Variants in GNL2 observed in about 807,000 individuals in gnomAD.
GNL2 encodes the protein G protein nucleolar 2, also known as nucleolar GTP-binding protein 2.
GNL2 carries 51 observed loss-of-function variants against 92.3 expected under a neutral mutation model. That is an observed-to-expected ratio of 0.55 (90% CI 0.44 to 0.70). The LOEUF (loss-of-function observed/expected upper bound fraction) is 0.70. Among genes scored for constraint, GNL2 ranks in the 30% least tolerant of loss-of-function variants. The pLI, the probability that GNL2 is intolerant of heterozygous loss-of-function variation, is 0.00. For synonymous variants in GNL2, 283 were observed against 300.6 expected (o/e 0.94, Z 0.61); for missense variants, 844 against 895.6 (o/e 0.94, Z 0.74).
At chr1:37,569,678 TA>T (rs1643565757) in intron 12 of GNL2, 1 of 202,664 alleles carries the variant, frequency 4.9e-6, no homozygotes, top group African/African-American at 2.4e-5. Context: ...GGCTGGATGT[TA>T]CAGATGAGAA....
chr1:37,593,536 C>T, intron 2 of GNL2: 1 of 476,966 alleles, frequency 2.1e-6, no homozygotes, highest in Non-Finnish European at 3.7e-6. Flanking sequence ...AACAAGACCT[C>T]TACTTTTGAG....
In GNL2 at chr1:37,594,271, T is replaced by C. The variant is rs565593315; in HGVS notation, c.65-425A>G. Among the ~76,000 whole-genome samples, 108 of 152,342 alleles carry C rather than the reference T, an allele frequency of 7.1e-4. 1 individual carries two copies. Among genetic ancestry groups the C allele is most frequent in the Admixed American group, 1.0e-3 (16 of 15,308 alleles). On this transcript the variant is annotated intron_variant, in intron 1 of 15. Coordinates refer to ENST00000373062, the MANE Select transcript of GNL2 (RefSeq NM_013285.3). ...AGAGCCAGAATTTGTACATGAGCAT[T>C]TGATCACCATCTATGGTCTTAACCA...
At chr1:37,568,011 TTGTC>T (rs1231298825) in intron 14 of GNL2, 4 of 590,470 alleles carry the variant, frequency 6.8e-6, no homozygotes, top group African/African-American at 3.7e-5. Flanking sequence ...ACCCCCCTCT[TTGTC>T]TGTGGACCCA....
intron 9 of GNL2, chr1:37,576,112 T>C (rs1186691561): frequency 3.1e-6 from 1 of 327,688 alleles, no homozygotes; most frequent in Non-Finnish European, 5.6e-6. Context: ...TGAGGCTTCT[T>C]AACCCAGGCA....
At chr1:37,585,748 C>T (rs1017025156) in intron 5 of GNL2, among the ~76,000 whole-genome samples, 5 of 151,978 alleles carry the variant, frequency 3.3e-5, no homozygotes, top group African/African-American at 1.2e-4. Context: ...CTAGGTGGCC[C>T]AATGCTTGAA....
At chr1:37,571,364 C>T (rs781765736) in intron 12 of GNL2, among the ~76,000 whole-genome samples, 44 of 152,144 alleles carry the variant, frequency 2.9e-4, no homozygotes, top group Admixed American at 2.0e-4. Context: ...GATATGCACC[C>T]CCATTGTTCC....
At chr1:37,588,715 CTT>C (rs1389583958) in intron 4 of GNL2, among the ~76,000 whole-genome samples, 1 of 152,206 alleles carries the variant, frequency 6.6e-6, no homozygotes, top group African/African-American at 2.4e-5. Context: ...TTACAGTACT[CTT>C]ACTGTATTGC....
Position 37,576,515 on chromosome 1 carries a change from G to A in GNL2, c.951C>T (p.Gly317=), listed in dbSNP as rs371779270. Residue 317 remains glycine, a synonymous_variant, in exon 9 of 16, where the codon GGC becomes GGT. Transcript: ENST00000373062. ...CAGAGCTCTTGCCAACATTTGGATA[G>A]CCAATGAACCCAACACTGATCTGTT... ...DKKQISVGFI[G]YPNVGKSSVI... is the part of the protein sequence containing the mutation. 3 of 1,613,882 alleles carry A rather than the reference G, an allele frequency of 1.9e-6. No homozygotes were observed. Among genetic ancestry groups the A allele is most frequent in the Non-Finnish European group, 2.5e-6 (3 of 1,179,872 alleles).
intron 14 of GNL2, 26 bp downstream of exon 14, chr1:37,568,248 TA>T: frequency 7.2e-7 from 1 of 1,383,988 alleles, no homozygotes; most frequent in Non-Finnish European, 1.0e-6. Context: ...AAATTACATC[TA>T]AATGATTGAA....
At chr1:37,595,331 A>G (rs1466520699) in intron 1 of GNL2, among the ~76,000 whole-genome samples, 1 of 152,190 alleles carries the variant, frequency 6.6e-6, no homozygotes, top group Non-Finnish European at 1.5e-5. Flanking sequence ...CAGATAGAAT[A>G]ATTCCAAGGG....
chr1:37,567,090 C>T (rs1643516429), intron 15 of GNL2, 83 bp from the exon 16 acceptor site: 2 of 1,395,310 alleles, frequency 1.4e-6, no homozygotes, highest in Non-Finnish European at 2.0e-6. Flanking sequence ...CTCTGCTTCT[C>T]ATCTCTGTGT....
intron 3 of GNL2, 30 bp downstream of exon 3, chr1:37,592,682 T>G (rs767997628): frequency 1.6e-6 from 2 of 1,212,206 alleles, no homozygotes; most frequent in Non-Finnish European, 2.5e-6. Context: ...ATATATTTTG[T>G]AGAGCAAAGT....
Position 37,569,188 on chromosome 1 carries a change from C to T in GNL2, c.1531G>A (p.Glu511Lys), listed in dbSNP as rs1454134363. The T allele has an allele frequency of 1.2e-6, 2 of 1,614,104 alleles. No homozygotes were observed. The highest frequency in any genetic ancestry group is 2.2e-5 in the East Asian group (1 of 44,882). ...GSESIIKEET[E>K]ENSHCDANTE... ...TTAGCATCACAGTGACTGTTCTCTT[C>T]TGTTTCTTCCTTAATGATGGATTCT... The change falls in exon 13 of 16, where the codon GAA becomes AAA. Residue 511 changes from glutamate to lysine, a missense_variant. Glu to Lys is a moderately conservative substitution (Grantham distance 56). Coordinates refer to ENST00000373062, the MANE Select transcript of GNL2 (RefSeq NM_013285.3).
At chr1:37,584,295 A>G (rs1460782206) in intron 5 of GNL2, among the ~76,000 whole-genome samples, 2 of 151,868 alleles carry the variant, frequency 1.3e-5, no homozygotes, top group Non-Finnish European at 2.9e-5. Context: ...CAAAAAATAC[A>G]AAAATTAGCT....
intron 9 of GNL2, chr1:37,576,206 A>G (rs765416554): frequency 8.4e-6 from 4 of 478,326 alleles, no homozygotes; most frequent in Non-Finnish European, 1.5e-5. Context: ...GAATCACATT[A>G]ACTAACACAG....
At chr1:37,595,572 T>A (rs550356484) in intron 1 of GNL2, among the ~76,000 whole-genome samples, 187 bp downstream of exon 1, 1 of 152,218 alleles carries the variant, frequency 6.6e-6, no homozygotes, top group East Asian at 1.9e-4. Context: ...CCTCCTCAGT[T>A]CCCCCCTGAG....
Position 37,590,719 on chromosome 1 carries a change from C to G in GNL2, c.371G>C (p.Arg124Pro). The G allele has an allele frequency of 6.2e-7, 1 of 1,613,432 alleles. No individual in the cohort carries two copies. The highest frequency in any genetic ancestry group is 8.5e-7 in the Non-Finnish European group (1 of 1,179,370). Residue 124 changes from arginine (R) to proline (P), a missense_variant, in exon 4 of 16, where the codon CGA becomes CCA. Arg to Pro is a moderately radical substitution (Grantham distance 103). Coordinates refer to ENST00000373062, the MANE Select transcript of GNL2 (RefSeq NM_013285.3). Reference sequence around the variant, plus strand: ...CCTACATCTTACATGAGGCCGGATTCGATCATGGAGAAGAGACATTGGTAA... The same window carrying G: ...CCTACATCTTACATGAGGCCGGATTGGATCATGGAGAAGAGACATTGGTAA... Reference protein sequence around the residue: ...SKLPMSLLHDRIRPHNLKVHI... With the variant: ...SKLPMSLLHDPIRPHNLKVHI...
At chr1:37,581,163 T>G (rs571462521) in intron 8 of GNL2, among the ~76,000 whole-genome samples, 1 of 152,038 alleles carries the variant, frequency 6.6e-6, no homozygotes, top group Non-Finnish European at 1.5e-5. Flanking sequence ...GGGTGAGGGG[T>G]GGGCACAGAT....
chr1:37,582,693 G>A (rs752351489), intron 7 of GNL2, 85 bp downstream of exon 7: 10 of 1,114,904 alleles, frequency 9.0e-6, no homozygotes, highest in East Asian at 7.2e-5. Context: ...AATCTCAGCC[G>A]GACAACACTT....
Sources: allele counts gnomAD v4.1 joint callset (sites outside exome capture counted in the v4.1 genomes callset), GRCh38; gene constraint gnomAD v4.1.1; transcripts MANE v1.5; gene names NCBI Gene and HGNC (gene_info 2026-07-23, HGNC 2026-07-21).